The following CMTM4 variants were observed in gnomAD, a reference collection of about 807,000 sequenced individuals.
The protein encoded by CMTM4 is CKLF like MARVEL transmembrane domain containing 4.
A neutral mutation model predicts 19.0 loss-of-function variants in CMTM4; 8 were observed. The observed-to-expected ratio is 0.42, with a 90% CI of 0.25 to 0.76. The LOEUF is 0.76. Ranked by LOEUF, CMTM4 falls within the 30% of genes least tolerant of loss-of-function variation. The pLI, the probability that CMTM4 is intolerant of heterozygous loss-of-function variation, is 0.27. For missense variants in CMTM4, 228 were observed against 290.2 expected (o/e 0.79, Z 1.56); for synonymous variants, 106 against 121.1 (o/e 0.88, Z 0.82).
At chr16:66,612,710 T>A (rs531234274), downstream of CMTM4, 15 of 1,486,682 alleles carry the variant, frequency 1.0e-5, no homozygotes, top group Non-Finnish European at 1.3e-5. The surrounding 1 kb of genome is among the most constrained non-coding windows in gnomAD (Gnocchi z 6.0). Context: ...GTCGCTGGCG[T>A]TGGAGCGGAG....
intron 2 of CMTM4, among the ~76,000 whole-genome samples, chr16:66,630,574 G>A (rs1366052280): frequency 2.6e-5 from 4 of 151,932 alleles, no homozygotes; most frequent in African/African-American, 9.6e-5. Context: ...TCCTAACCGC[G>A]AGTGATCCGC....
At chr16:66,663,740 A>C (rs1423786107) in intron 1 of CMTM4, among the ~76,000 whole-genome samples, 1 of 151,662 alleles carries the variant, frequency 6.6e-6, no homozygotes, top group Non-Finnish European at 1.5e-5. Context: ...ACAGGGATTC[A>C]CCATGTTGAC....
intron 1 of CMTM4, among the ~76,000 whole-genome samples, chr16:66,658,821 A>C (rs1275112411): frequency 6.6e-6 from 1 of 152,172 alleles, no homozygotes; most frequent in Non-Finnish European, 1.5e-5. Flanking sequence ...GGGAGGAAGA[A>C]TGGCTGATCT....
chr16:66,633,122 T>A (rs1232436620), intron 2 of CMTM4, among the ~76,000 whole-genome samples: 18 of 143,346 alleles, frequency 1.3e-4, no homozygotes, highest in Admixed American at 2.8e-4. Context: ...TATATAAATA[T>A]ATATATATAA....
chr16:66,625,036 T>C (rs1596904109), intron 2 of CMTM4, among the ~76,000 whole-genome samples: 1 of 152,270 alleles, frequency 6.6e-6, no homozygotes, highest in Admixed American at 6.5e-5. Flanking sequence ...GCAAAGACTA[T>C]TCAGAAACGA....
rs575507525 is a variant in CMTM4, at chr16:66,647,063, C to T, written c.187-10482G>A. Among the ~76,000 whole-genome samples the T allele has an allele frequency of 9.1e-4, 137 of 150,630 alleles. No individual in the cohort carries two copies. In the Middle Eastern group the frequency reaches 0.01, roughly 11 times the overall value. Reference sequence around the variant, plus strand: ...AGGTGCAGTGGCTCACACCTGCAATCCCAACACTTTGGGAGGCCGAGGTGG... The same window carrying T: ...AGGTGCAGTGGCTCACACCTGCAATTCCAACACTTTGGGAGGCCGAGGTGG... On this transcript the variant is annotated intron_variant, in intron 1 of 3. Coordinates refer to ENST00000394106, the MANE Select transcript of CMTM4 (RefSeq NM_181521.3).
At chr16:66,664,519 G>A (rs74024004) in intron 1 of CMTM4, among the ~76,000 whole-genome samples, 4,100 of 152,170 alleles carry the variant, frequency 0.027, 208 homozygotes, top group African/African-American at 0.094. Flanking sequence ...CAAAGTAGGA[G>A]GGTAAAGGGA....
intron 1 of CMTM4, among the ~76,000 whole-genome samples, chr16:66,639,599 G>T (rs1437006113): frequency 6.6e-6 from 1 of 152,174 alleles, no homozygotes; most frequent in Non-Finnish European, 1.5e-5. Context: ...AGACCAGGAA[G>T]AGTGGCTCAT....
chr16:66,690,205 G>A (rs138657478), intron 1 of CMTM4, among the ~76,000 whole-genome samples: 1 of 152,152 alleles, frequency 6.6e-6, no homozygotes, highest in African/African-American at 2.4e-5. Flanking sequence ...ACCATTATGC[G>A]CTTGTATATG....
intron 2 of CMTM4, among the ~76,000 whole-genome samples, chr16:66,633,843 T>G (rs117920373): frequency 0.016 from 2,344 of 148,480 alleles, 30 homozygotes; most frequent in Admixed American, 0.019. Flanking sequence ...AGGTACCATC[T>G]CCTCAAGTTC....
Position 66,621,128 on chromosome 16 carries a change from C to T in CMTM4, c.*930G>A. The T allele has an allele frequency of 1.0e-6, 1 of 985,858 alleles. No individual in the cohort carries two copies. The highest frequency in any genetic ancestry group is 1.2e-6 in the Non-Finnish European group (1 of 829,944). 61.1% of individuals were successfully genotyped at this position (985,858 alleles called of 1,614,324 possible). A position where few individuals can be genotyped will look rare whatever the true frequency, so the allele number is the denominator to read the frequency against. On this transcript the variant is annotated 3_prime_UTR_variant, in exon 4 of 4. Transcript: ENST00000394106. ...TGCAGGCATTTAGAAAATTAGCACA[C>T]ATCCCTAAAATAGAGGGGTGTGTGT...
intron 2 of CMTM4, among the ~76,000 whole-genome samples, chr16:66,626,165 C>A (rs1009428461): frequency 4.6e-5 from 7 of 152,144 alleles, no homozygotes; most frequent in Non-Finnish European, 1.0e-4. Flanking sequence ...CCAGGCACAG[C>A]AGCTCATGCC....
At chr16:66,607,930 G>A in the CMTM4 span, among the ~76,000 whole-genome samples, 5 of 151,612 alleles carry the variant, frequency 3.3e-5, no homozygotes, top group East Asian at 7.8e-4. Context: ...CTGCAGCCTC[G>A]ACCTCCCCGG....
At chr16:66,623,593 A>C in intron 2 of CMTM4, 91 bp from the exon 3 acceptor site, 1 of 776,978 alleles carries the variant, frequency 1.3e-6, no homozygotes, top group Non-Finnish European at 2.1e-6. Context: ...AAGACCCACG[A>C]TACCCAACCT....
At chr16:66,649,432 G>C (rs1287653172) in intron 1 of CMTM4, among the ~76,000 whole-genome samples, 1 of 149,290 alleles carries the variant, frequency 6.7e-6, no homozygotes, top group Admixed American at 6.7e-5. Flanking sequence ...TTTTTCTTTT[G>C]GTCTTGATTC....
intron 1 of CMTM4, among the ~76,000 whole-genome samples, chr16:66,641,017 C>T (rs2144819896): frequency 6.6e-6 from 1 of 152,308 alleles, no homozygotes; most frequent in Non-Finnish European, 1.5e-5. Context: ...TCCTGACACA[C>T]AGAAATGAAA....
intron 2 of CMTM4, among the ~76,000 whole-genome samples, chr16:66,628,264 G>C (rs1436460154): frequency 6.6e-6 from 1 of 152,182 alleles, no homozygotes; most frequent in Non-Finnish European, 1.5e-5. Flanking sequence ...TCAACTGCAA[G>C]AGGCCTTCCT....
the CMTM4 span, among the ~76,000 whole-genome samples, chr16:66,606,998 G>T: frequency 6.6e-6 from 1 of 152,300 alleles, no homozygotes; most frequent in African/African-American, 2.4e-5. Context: ...CATCTCTGGG[G>T]CGGAGGTAAG....
chr16:66,673,679 A>G (rs1321602842), intron 1 of CMTM4, among the ~76,000 whole-genome samples: 1 of 152,216 alleles, frequency 6.6e-6, no homozygotes, highest in Non-Finnish European at 1.5e-5. Flanking sequence ...AACAAGCCAG[A>G]CAGCAATGTT....
Sources: allele counts gnomAD v4.1 joint callset (sites outside exome capture counted in the v4.1 genomes callset), GRCh38; gene constraint gnomAD v4.1.1; non-coding constraint Gnocchi (gnomAD v3.1); transcripts MANE v1.5; gene names NCBI Gene and HGNC (gene_info 2026-07-23, HGNC 2026-07-21).